The following GRID2 variants were observed in gnomAD, a reference collection of about 807,000 sequenced individuals.
GRID2 encodes the protein glutamate ionotropic receptor delta type subunit 2.
Under a neutral mutation model 114.8 loss-of-function variants are expected in GRID2, and 33 were observed. The ratio of observed to expected loss-of-function variants is 0.29; its 90% confidence interval spans 0.22 to 0.38. The LOEUF (loss-of-function observed/expected upper bound fraction) is 0.38. Among genes scored for constraint, GRID2 ranks in the 10% least tolerant of loss-of-function variants. The pLI is 1.00. For missense variants in GRID2, 1,184 were observed against 1,257.7 expected (o/e 0.94, Z 0.89); for synonymous variants, 505 against 449.9 (o/e 1.12, Z -1.55).
At chr4:93,143,500 C>T (rs1283217713) in intron 4 of GRID2, among the ~76,000 whole-genome samples, 1 of 152,094 alleles carries the variant, frequency 6.6e-6, no homozygotes, top group Non-Finnish European at 1.5e-5. Flanking sequence ...AAGTTTCCTA[C>T]CATGTTGCAT....
rs1285250423 is a variant in GRID2 at position 93,242,029 on chromosome 4, A to G, written c.1245+3539A>G. On this transcript the variant is annotated intron_variant, in intron 8 of 15. Transcript: ENST00000282020. ...CAAGAATTAGATGGAGTACTTAACC[A>G]TAGGCACCGGGGAACATCATTTTCC... Among the ~76,000 whole-genome samples the G allele has an allele frequency of 4.0e-5, 6 of 151,852 alleles. No individual in the cohort carries two copies. In the South Asian group the frequency reaches 8.3e-4, roughly 21 times the overall value.
At chr4:92,858,449 A>C (rs762707483) in intron 2 of GRID2, among the ~76,000 whole-genome samples, 6 of 152,230 alleles carry the variant, frequency 3.9e-5, no homozygotes, top group Non-Finnish European at 8.8e-5. Context: ...TAGAGAAAGT[A>C]ACTACAGATG....
intron 1 of GRID2, among the ~76,000 whole-genome samples, chr4:92,508,382 G>C (rs1172265178): frequency 2.0e-5 from 3 of 151,890 alleles, no homozygotes; most frequent in African/African-American, 7.2e-5. Context: ...AATACTGATA[G>C]GACATATTCT....
At chr4:92,860,373 A>G (rs1744450865) in intron 2 of GRID2, among the ~76,000 whole-genome samples, 1 of 152,102 alleles carries the variant, frequency 6.6e-6, no homozygotes, top group African/African-American at 2.4e-5. Flanking sequence ...AAAGCGATTT[A>G]ATTTTATTTT....
chr4:92,333,909 T>G (rs1472717510), intron 1 of GRID2, among the ~76,000 whole-genome samples: 1 of 152,064 alleles, frequency 6.6e-6, no homozygotes, highest in African/African-American at 2.4e-5. Context: ...TTCTTTTCAT[T>G]TTTTAGAGAT....
intron 14 of GRID2, among the ~76,000 whole-genome samples, chr4:93,750,685 G>C (rs1338011596): frequency 6.6e-6 from 1 of 152,032 alleles, no homozygotes; most frequent in East Asian, 1.9e-4. Flanking sequence ...GAACCCGGGA[G>C]GCAGAGCTTG....
chr4:93,572,612 G>GA (rs1736036173), intron 13 of GRID2, among the ~76,000 whole-genome samples: 1 of 152,006 alleles, frequency 6.6e-6, no homozygotes, highest in East Asian at 1.9e-4. Context: ...TAGCTAGGTC[G>GA]AAAAAATGAA....
intron 2 of GRID2, among the ~76,000 whole-genome samples, chr4:92,618,416 G>A (rs181418123): frequency 6.6e-6 from 1 of 151,840 alleles, no homozygotes; most frequent in East Asian, 1.9e-4. Context: ...CTACAGCTTT[G>A]TAGCACATTT....
At chr4:93,146,206 G>A (rs557716241) in intron 4 of GRID2, among the ~76,000 whole-genome samples, 1 of 152,130 alleles carries the variant, frequency 6.6e-6, no homozygotes, top group South Asian at 2.1e-4. Context: ...TTATATTCTT[G>A]TAATTAATTG....
chr4:92,873,784 G>A (rs935609128), intron 2 of GRID2, among the ~76,000 whole-genome samples: 10 of 152,122 alleles, frequency 6.6e-5, no homozygotes, highest in African/African-American at 2.2e-4. Context: ...GCATGATCTC[G>A]GCTCACCGCA....
chr4:92,427,862 C>G (rs1021070208), intron 1 of GRID2, among the ~76,000 whole-genome samples: 1 of 152,058 alleles, frequency 6.6e-6, no homozygotes. Flanking sequence ...AGAAAATATT[C>G]GAAAGACTTA....
intron 2 of GRID2, among the ~76,000 whole-genome samples, chr4:92,646,818 T>C (rs1358035920): frequency 6.6e-6 from 1 of 152,214 alleles, no homozygotes; most frequent in Non-Finnish European, 1.5e-5. Context: ...TCATTTATCA[T>C]TATTATCACT....
chr4:92,527,836 GA>G (rs1431241332), intron 1 of GRID2, among the ~76,000 whole-genome samples: 1 of 151,940 alleles, frequency 6.6e-6, no homozygotes, highest in Non-Finnish European at 1.5e-5. Flanking sequence ...ATATTATTCA[GA>G]AAACATTTTT....
intron 2 of GRID2, among the ~76,000 whole-genome samples, chr4:92,779,694 A>G (rs1225668719): frequency 6.6e-6 from 1 of 152,132 alleles, no homozygotes; most frequent in African/African-American, 2.4e-5. Flanking sequence ...CATGTGCAAG[A>G]TATCTCCCCT....
At chr4:92,879,077 GA>G (rs1268406734) in intron 2 of GRID2, among the ~76,000 whole-genome samples, 1 of 151,344 alleles carries the variant, frequency 6.6e-6, no homozygotes, top group African/African-American at 2.4e-5. Context: ...AAAGCATATA[GA>G]ATTGTATGTA....
chr4:92,828,468 G>C (rs1269428245), intron 2 of GRID2, among the ~76,000 whole-genome samples: 1 of 152,018 alleles, frequency 6.6e-6, no homozygotes, highest in African/African-American at 2.4e-5. Context: ...GTATAGAATA[G>C]TGTGCTAATT....
intron 2 of GRID2, among the ~76,000 whole-genome samples, chr4:93,072,128 A>G (rs907997420): frequency 2.6e-5 from 4 of 152,176 alleles, no homozygotes; most frequent in African/African-American, 9.6e-5. Flanking sequence ...GAATGTAAAA[A>G]GATACAAAGC....
Position 93,257,978 on chromosome 4 carries a change from G to GTATA in GRID2, c.1245+19507_1245+19510dup, listed in dbSNP as rs72080884. On this transcript the variant is annotated intron_variant, in intron 8 of 15. Transcript: ENST00000282020. ...ATACATATACACACAATATGTGTGT[G>GTATA]TATATATATATATATATATATACAC... 3.0e-4 allele frequency among the ~76,000 whole-genome samples: 42 copies of GTATA among 139,084 alleles called. No homozygotes were observed. In the South Asian group the frequency reaches 8.2e-3, roughly 27 times the overall value. The allele number at this position is 139,084 out of a possible 152,430, so 91.2% of individuals were successfully genotyped here. A position where few individuals can be genotyped will look rare whatever the true frequency, so the allele number is the denominator to read the frequency against.
At chr4:93,701,693 TA>T (rs1424730861) in intron 14 of GRID2, among the ~76,000 whole-genome samples, 1 of 152,044 alleles carries the variant, frequency 6.6e-6, no homozygotes, top group Non-Finnish European at 1.5e-5. Context: ...GATGTTGCTT[TA>T]AAAATATATA....
Sources: gnomAD v4.1 joint callset for allele counts (sites outside exome capture counted in the v4.1 genomes callset) on GRCh38, gnomAD v4.1.1 for gene constraint, MANE v1.5 for transcripts, NCBI Gene and HGNC (gene_info 2026-07-23, HGNC 2026-07-21) for gene names.